The following RABGAP1L variants were observed in gnomAD, a reference collection of about 807,000 sequenced individuals.
The protein encoded by RABGAP1L is RAB GTPase activating protein 1 like.
A neutral mutation model predicts 137.7 loss-of-function variants in RABGAP1L; 63 were observed. The observed-to-expected ratio is 0.46, with a 90% CI of 0.37 to 0.56. The LOEUF (loss-of-function observed/expected upper bound fraction) is 0.56. Among genes scored for constraint, RABGAP1L ranks in the 20% least tolerant of loss-of-function variants. The pLI is 0.00. For missense variants in RABGAP1L, 1,095 were observed against 1,244.0 expected, an observed-to-expected ratio of 0.88 and a Z score of 1.80; for synonymous variants, 431 against 433.7, an observed-to-expected ratio of 0.99 and a Z score of 0.08.
intron 13 of RABGAP1L, among the ~76,000 whole-genome samples, chr1:174,407,465 A>G (rs1313240617): frequency 1.3e-5 from 2 of 152,124 alleles, no homozygotes; most frequent in Non-Finnish European, 2.9e-5. Context: ...TACTCCCCCC[A>G]GATCTAACTA....
chr1:174,552,161 A>G (rs1666588880), intron 13 of RABGAP1L, among the ~76,000 whole-genome samples: 1 of 152,172 alleles, frequency 6.6e-6, no homozygotes, highest in South Asian at 2.1e-4. Flanking sequence ...TTTATATTTT[A>G]TGTGATAAAT....
chr1:174,310,682 TCA>T (rs1678745714), intron 11 of RABGAP1L, among the ~76,000 whole-genome samples: 1 of 152,214 alleles, frequency 6.6e-6, no homozygotes, highest in Non-Finnish European at 1.5e-5. Context: ...TATTATATAA[TCA>T]CCTTCTTTGT....
intron 13 of RABGAP1L, among the ~76,000 whole-genome samples, chr1:174,532,630 G>A (rs1316121834): frequency 6.6e-6 from 1 of 152,124 alleles, no homozygotes; most frequent in Non-Finnish European, 1.5e-5. Context: ...AACAAGATAG[G>A]TATGAACTGT....
At chr1:174,823,170 C>T (rs1691219832) in intron 19 of RABGAP1L, among the ~76,000 whole-genome samples, 1 of 152,172 alleles carries the variant, frequency 6.6e-6, no homozygotes, top group East Asian at 1.9e-4. Context: ...TTTTTCCCTG[C>T]ACCTAATTCA....
chr1:174,408,861 C>T (rs1649581857), intron 13 of RABGAP1L, among the ~76,000 whole-genome samples: 1 of 152,032 alleles, frequency 6.6e-6, no homozygotes, highest in Admixed American at 6.6e-5. Context: ...TGTTTGTCTT[C>T]TTTTGAGAAG....
In RABGAP1L at chr1:174,981,550, C is replaced by CTTTTTTT. The variant is rs10556099; in HGVS notation, c.2734-1259_2734-1253dup. 8.2e-3 allele frequency among the ~76,000 whole-genome samples: 546 copies of CTTTTTTT among 66,436 alleles called. 71 individuals carry two copies. The highest frequency in any genetic ancestry group is 0.042 in the East Asian group (63 of 1,488). 43.6% of individuals were successfully genotyped at this position (66,436 alleles called of 152,430 possible). On this transcript the variant is annotated intron_variant, in intron 23 of 25. Coordinates refer to ENST00000681986, the MANE Select transcript of RABGAP1L (RefSeq NM_001366446.1). ...AATTTCACATCCCCTGTTTTTCCAT[C>CTTTTTTT]TTTTTTTTTTTTTTTTTTTTTTTTT...
intron 15 of RABGAP1L, among the ~76,000 whole-genome samples, chr1:174,698,901 T>TG (rs1379600620): frequency 1.3e-5 from 2 of 151,960 alleles, no homozygotes; most frequent in Non-Finnish European, 2.9e-5. Context: ...CAAAAGAGGT[T>TG]GGGGGGTGTA....
intron 18 of RABGAP1L, among the ~76,000 whole-genome samples, chr1:174,805,810 C>A (rs1689239134): frequency 6.6e-6 from 1 of 152,042 alleles, no homozygotes; most frequent in Non-Finnish European, 1.5e-5. Context: ...CCTATTAGTT[C>A]TTATTTAAAA....
rs1443746725 is a variant in RABGAP1L, at chr1:174,908,136, C to T, written c.2341-49321C>T. Among the ~76,000 whole-genome samples the T allele has an allele frequency of 3.9e-5, 6 of 152,234 alleles. No individual in the cohort carries two copies. In the East Asian group the frequency reaches 7.7e-4, roughly 20 times the overall value. Reference sequence around the variant, plus strand: ...CAATTGTATATTTTTGCACTCAGCACCAGAGTTCCCAAGTATGTAAAGCAG... The same window carrying T: ...CAATTGTATATTTTTGCACTCAGCATCAGAGTTCCCAAGTATGTAAAGCAG... On this transcript the variant is annotated intron_variant, in intron 19 of 25. Transcript: ENST00000681986.
At chr1:174,459,278 T>C (rs1458175261) in intron 13 of RABGAP1L, among the ~76,000 whole-genome samples, 1 of 152,154 alleles carries the variant, frequency 6.6e-6, no homozygotes, top group Non-Finnish European at 1.5e-5. Context: ...TTTTAAACTA[T>C]TAATAATCCA....
At chr1:174,828,052 A>G (rs1041036165) in intron 19 of RABGAP1L, among the ~76,000 whole-genome samples, 2 of 148,366 alleles carry the variant, frequency 1.3e-5, no homozygotes, top group African/African-American at 4.9e-5. Context: ...AATTATTTAC[A>G]TAAAAACTTT....
In RABGAP1L at chr1:174,201,069, C is replaced by T. The variant is rs548437004; in HGVS notation, c.-33-18056C>T. ...TTTGGTCGTTAATTTTTGTTTTAGT[C>T]TGCTCCTATCATTATGGTAGTTTAT... On this transcript the variant is annotated intron_variant, in intron 1 of 25. Transcript: ENST00000681986. Among the ~76,000 whole-genome samples, 8 of 152,178 alleles carry T rather than the reference C, an allele frequency of 5.3e-5. No homozygotes were observed. The South Asian group carries it at 1.7e-3, about 32-fold the overall frequency.
At chr1:174,468,476 T>G (rs774074860) in intron 13 of RABGAP1L, among the ~76,000 whole-genome samples, 10 of 152,206 alleles carry the variant, frequency 6.6e-5, no homozygotes, top group Admixed American at 1.3e-4. Flanking sequence ...GGTTTTGTGA[T>G]TGTGCTGGTG....
chr1:174,354,558 G>A (rs1683456797), intron 11 of RABGAP1L, among the ~76,000 whole-genome samples: 1 of 152,142 alleles, frequency 6.6e-6, no homozygotes, highest in African/African-American at 2.4e-5. Flanking sequence ...CTGAATGATA[G>A]CCATATGCTA....
intron 13 of RABGAP1L, among the ~76,000 whole-genome samples, chr1:174,439,701 G>A (rs1291463856): frequency 6.6e-6 from 1 of 152,158 alleles, no homozygotes; most frequent in Non-Finnish European, 1.5e-5. Context: ...TGTATTCTGA[G>A]CTTCACATAG....
chr1:174,304,984 A>G lies in RABGAP1L; in HGVS notation c.1324-2A>G. On this transcript the variant is annotated splice_acceptor_variant, in intron 10 of 25. Transcript: ENST00000681986. LOFTEE classifies it high-confidence loss of function. Reference sequence around the variant, plus strand: ...TTAAATATACTGTTATATTTTTCTCAGTCTGAGGGAAAAGGCCATACCAAT... The same window carrying G: ...TTAAATATACTGTTATATTTTTCTCGGTCTGAGGGAAAAGGCCATACCAAT... The G allele has an allele frequency of 2.0e-6, 3 of 1,535,560 alleles. No individual in the cohort carries two copies. Among genetic ancestry groups the G allele is most frequent in the Non-Finnish European group, 1.7e-6 (2 of 1,147,372 alleles).
chr1:174,761,638 G>T lies in RABGAP1L; in HGVS notation c.2211+9284G>T, dbSNP rs946876814. 1.3e-5 allele frequency among the ~76,000 whole-genome samples: 2 copies of T among 152,162 alleles called. No homozygotes were observed. The highest frequency in any genetic ancestry group is 3.9e-4 in the East Asian group (2 of 5,188). On this transcript the variant is annotated intron_variant, in intron 18 of 25. Transcript: ENST00000681986. The surrounding 1 kb of genome is among the most constrained non-coding windows in gnomAD (Gnocchi z 4.0). ...TCCTCACTTCCCAGACGGAGACAGT[G>T]TGGGGGCCGGACAAGGGCCGAACAG...
chr1:174,936,943 A>G (rs1283191975), intron 19 of RABGAP1L, among the ~76,000 whole-genome samples: 1 of 150,628 alleles, frequency 6.6e-6, no homozygotes, highest in African/African-American at 2.5e-5. Flanking sequence ...AGTGAGAATG[A>G]GGAAGGACCA....
chr1:174,349,550 A>C (rs1158157709), intron 11 of RABGAP1L, among the ~76,000 whole-genome samples: 2 of 106,960 alleles, frequency 1.9e-5, no homozygotes, highest in African/African-American at 3.5e-5. Flanking sequence ...GGCGCCCCTC[A>C]CCTCCCGGAC....
Sources: gnomAD v4.1 joint callset for allele counts (sites outside exome capture counted in the v4.1 genomes callset) on GRCh38, gnomAD v4.1.1 for gene constraint, Gnocchi (gnomAD v3.1) non-coding constraint, MANE v1.5 for transcripts, NCBI Gene and HGNC (gene_info 2026-07-23, HGNC 2026-07-21) for gene names.